Variants in STAB1 observed in about 807,000 individuals in gnomAD.
STAB1 encodes stabilin 1, also known as stabilin-1.
STAB1 carries 250 observed loss-of-function variants against 332.4 expected under a neutral mutation model. The observed-to-expected ratio is 0.75, with a 90% CI of 0.68 to 0.84. The LOEUF is 0.84. Among genes scored for constraint, STAB1 ranks in the 40% least tolerant of loss-of-function variants. The pLI is 0.00. For synonymous variants in STAB1, 1,475 were observed against 1,390.4 expected, an observed-to-expected ratio of 1.06 and a Z score of -1.35; for missense variants, 3,249 against 3,489.7, an observed-to-expected ratio of 0.93 and a Z score of 1.74.
In STAB1 at chr3:52,520,198, G is replaced by T; in HGVS notation, c.5413-6G>T. ...TCCACCTCCAACCATGACTCCACTT[G>T]CTCAGGCCTTGGCATCTGACCTGCC... On this transcript the variant is annotated splice_polypyrimidine_tract_variant and splice_region_variant and intron_variant, in intron 51 of 68. Coordinates refer to ENST00000321725, the MANE Select transcript of STAB1 (RefSeq NM_015136.3). 6.2e-7 allele frequency: 1 copy of T among 1,613,124 alleles called. No individual in the cohort carries two copies. The highest frequency in any genetic ancestry group is 8.5e-7 in the Non-Finnish European group (1 of 1,180,014).
At position 52,510,210 on chromosome 3, in the gene STAB1, C is replaced by A; in HGVS notation, c.2603C>A (p.Pro868Gln). 1 of 1,614,036 alleles carries A rather than the reference C, an allele frequency of 6.2e-7. No homozygotes were observed. The highest frequency in any genetic ancestry group is 8.5e-7 in the Non-Finnish European group (1 of 1,180,036). ...ACACCTAGCAACCCCTGCTCCCACC[C>A]GGACCGTGGAGGCTGCTCAGAGAAT... ...SCTPSNPCSH[P>Q]DRGGCSENAE... Residue 868 changes from proline (P) to glutamine (Q), a missense_variant, in exon 24 of 69, where the codon CCG becomes CAG. By Grantham distance (76) the Pro-to-Gln change is moderately conservative (BLOSUM62 -1). Coordinates refer to ENST00000321725, the MANE Select transcript of STAB1 (RefSeq NM_015136.3).
chr3:52,500,908 G>A (rs533564647), intron 1 of STAB1, among the ~76,000 whole-genome samples: 4 of 152,294 alleles, frequency 2.6e-5, no homozygotes, highest in East Asian at 1.9e-4. Flanking sequence ...ATAAGGACTC[G>A]ATGTGACATT....
chr3:52,512,512 A>AG, intron 27 of STAB1, 76 bp downstream of exon 27: 2 of 1,612,224 alleles, frequency 1.2e-6, no homozygotes, highest in East Asian at 4.5e-5. Context: ...CAGGTGGGAA[A>AG]GGGGCACTGC....
In STAB1 at chr3:52,508,075, G is replaced by C. The variant is rs770466485; in HGVS notation, c.2148+49G>C. On this transcript the variant is annotated intron_variant, in intron 20 of 68. Coordinates refer to ENST00000321725, the MANE Select transcript of STAB1 (RefSeq NM_015136.3). ...CTCCCAGGTCACCTGGGCACCTGCT[G>C]TTCCTCGGGGGCCCCCAAGCTGGGG... 19 of 1,576,964 alleles carry C rather than the reference G, an allele frequency of 1.2e-5. No homozygotes were observed. The African/African-American group carries it at 2.0e-4, about 17-fold the overall frequency.
Position 52,522,138 on chromosome 3 carries a change from G to C in STAB1, c.6373G>C (p.Gly2125Arg), listed in dbSNP as rs1299505160. ...VTCTCLPDYE[G>R]DGWSCRARNP... ...TTGTACCTGCCTGCCCGACTACGAGGGTGATGGCTGGAGCTGCCGGGCCCG... is the reference window on the plus strand; with the variant it reads ...TTGTACCTGCCTGCCCGACTACGAGCGTGATGGCTGGAGCTGCCGGGCCCG... The change falls in exon 59 of 69, where the codon GGT becomes CGT. Residue 2125 changes from glycine (G) to arginine (R), a missense_variant. Gly to Arg is a moderately radical substitution (Grantham distance 125). Coordinates refer to ENST00000321725, the MANE Select transcript of STAB1 (RefSeq NM_015136.3). 1 of 1,612,868 alleles carries C rather than the reference G, an allele frequency of 6.2e-7. No homozygotes were observed. Among genetic ancestry groups the C allele is most frequent in the Admixed American group, 1.7e-5 (1 of 60,004 alleles).
rs373673171 is a variant in STAB1 at position 52,523,613 on chromosome 3, C to T, written c.7290+37C>T. The T allele has an allele frequency of 2.5e-6, 4 of 1,612,594 alleles. No individual in the cohort carries two copies. The African/African-American group carries it at 5.3e-5, about 22-fold the overall frequency. ...CACTGTCCCACCCTGTTGGCCCTGG[C>T]CCTCGCTCACAGTGGGCCTGACTCT... On this transcript the variant is annotated intron_variant, in intron 65 of 68. Coordinates refer to ENST00000321725, the MANE Select transcript of STAB1 (RefSeq NM_015136.3).
Position 52,516,985 on chromosome 3 carries a change from G to C in STAB1, c.4365G>C (p.Glu1455Asp), listed in dbSNP as rs757610497. The change falls in exon 42 of 69, where the codon GAG becomes GAC. Residue 1455 changes from glutamate to aspartate, a missense_variant and splice_region_variant. Coordinates refer to ENST00000321725, the MANE Select transcript of STAB1 (RefSeq NM_015136.3). ...GYSGNGIFCS[E>D]VDPCAHGHGG... ...GACTCTCTGGCCATCTCCCCTTAGA[G>C]GTGGACCCCTGCGCCCACGGCCATG... The C allele has an allele frequency of 1.9e-6, 3 of 1,610,484 alleles. No homozygotes were observed. Among genetic ancestry groups the C allele is most frequent in the African/African-American group, 2.7e-5 (2 of 74,866 alleles).
Position 52,512,966 on chromosome 3 carries a change from CG to C in STAB1, c.3158+9del. ...GCTGCCGAACCTGGTCAGGTGGGGC[CG>C]CCATTGCCAGGCTGTGGGAGGGGCT... On this transcript the variant is annotated intron_variant, in intron 29 of 68. Coordinates refer to ENST00000321725, the MANE Select transcript of STAB1 (RefSeq NM_015136.3). 6.2e-7 allele frequency: 1 copy of C among 1,605,378 alleles called. No individual in the cohort carries two copies. Among genetic ancestry groups the C allele is most frequent in the Non-Finnish European group, 8.5e-7 (1 of 1,175,518 alleles).
In STAB1 at chr3:52,520,035, C is replaced by T. The variant is rs544253173; in HGVS notation, c.5327C>T (p.Pro1776Leu). The change falls in exon 51 of 69, where the codon CCG (proline) becomes CTG (leucine). Residue 1776 changes from proline to leucine, a missense_variant. Physicochemically the swap from Pro to Leu is moderately conservative, Grantham distance 98 (BLOSUM62 -3). Transcript: ENST00000321725. ...GACGCCGCCTTTCGAGCTCTGCCTC[C>T]GGATCGCCAGGCCTGGCTGTACCAT... is the stretch of plus-strand genomic sequence containing the variant. ...PTDAAFRALP[P>L]DRQAWLYHED... 163 of 1,612,678 alleles carry T rather than the reference C, an allele frequency of 1.0e-4. 1 individual carries two copies. In the South Asian group the frequency reaches 1.5e-3, roughly 14 times the overall value.
In STAB1 at chr3:52,521,939, C is replaced by T. The variant is rs2079085307; in HGVS notation, c.6259C>T (p.Arg2087Cys). 6.2e-6 allele frequency: 10 copies of T among 1,608,630 alleles called. No homozygotes were observed. The highest frequency in any genetic ancestry group is 6.8e-6 in the Non-Finnish European group (8 of 1,176,548). The change falls in exon 58 of 69, where the codon CGT (arginine) becomes TGT (cysteine). Residue 2087 changes from arginine to cysteine, a missense_variant. Physicochemically the swap from Arg to Cys is radical, Grantham distance 180 (BLOSUM62 -3). Transcript: ENST00000321725. Reference sequence around the variant, plus strand: ...CAGCCTGGGCTATGAAGGGGATGGCCGTGTGTGTACAGGTAAGCAGATGGG... The same window carrying T: ...CAGCCTGGGCTATGAAGGGGATGGCTGTGTGTGTACAGGTAAGCAGATGGG... ...ECSLGYEGDG[R>C]VCTVADLCQD...
rs765231140 is a variant in STAB1 at position 52,515,451 on chromosome 3, G to C, written c.3893G>C (p.Arg1298Pro). The change falls in exon 37 of 69, where the codon CGA (arginine) becomes CCA (proline). Residue 1298 changes from arginine (R) to proline (P), a missense_variant. Transcript: ENST00000321725. The stretch of plus-strand genomic sequence containing the variant: ...ACACCCAGGAAGAGCTGTGTCTACC[G>C]ATCTGGCTTCTCCTTCTCCCGGGGC... ...QDTPRKSCVY[R>P]SGFSFSRGCS... is the part of the protein sequence containing the mutation. 6.2e-6 allele frequency: 10 copies of C among 1,613,296 alleles called. No homozygotes were observed. In the South Asian group the frequency reaches 8.8e-5, roughly 14 times the overall value.
At chr3:52,506,317 A>C in intron 17 of STAB1, 67 bp downstream of exon 17, 38 of 1,422,638 alleles carry the variant, frequency 2.7e-5, no homozygotes, top group Non-Finnish European at 3.3e-5. Flanking sequence ...TTGGCCTCTC[A>C]GCCTTGTGTG....
rs897441085 is a variant in STAB1 at position 52,522,084 on chromosome 3, A to G, written c.6319A>G (p.Asn2107Asp). Residue 2107 changes from asparagine to aspartate, a missense_variant, in exon 59 of 69, where the codon AAC becomes GAC. Asn to Asp is a conservative substitution (Grantham distance 23). Transcript: ENST00000321725. ...DGHGGCSEHANCSQVGTMVTC... is the reference protein window; with the variant it reads ...DGHGGCSEHADCSQVGTMVTC... ...GCATGGTGGCTGCAGTGAGCACGCC[A>G]ACTGTAGCCAGGTAGGAACAATGGT... The G allele has an allele frequency of 6.2e-7, 1 of 1,613,220 alleles. No individual in the cohort carries two copies. The highest frequency in any genetic ancestry group is 1.3e-5 in the African/African-American group (1 of 75,052).
chr3:52,501,180 CTG>C lies in STAB1; in HGVS notation c.96_97del (p.Cys32Ter). On this transcript the variant is annotated frameshift_variant, in exon 2 of 69. Transcript: ENST00000321725. LOFTEE classifies it high-confidence loss of function. ...FVRGQVLFKG[C>X]DVKTTFVTHV... The stretch of plus-strand genomic sequence containing the variant: ...TGTGGCCCCAGGTGCTGTTCAAAGG[CTG>C]TGATGTGAAAACCACGTTTGTCACT... The C allele has an allele frequency of 6.2e-7, 1 of 1,613,482 alleles. No homozygotes were observed. The highest frequency in any genetic ancestry group is 8.5e-7 in the Non-Finnish European group (1 of 1,179,826).
At position 52,520,952 on chromosome 3, in the gene STAB1, C is replaced by T. The variant is rs2153234138; in HGVS notation, c.5855C>T (p.Thr1952Ile). ...LGRGCHRNCVTTTWKPSCCPG... is the reference protein window; with the variant it reads ...LGRGCHRNCVITTWKPSCCPG... ...AGGGGCTGCCACCGCAATTGTGTCA[C>T]CACCACCTGGAAGCCCAGCTGCTGC... Residue 1952 changes from threonine (T) to isoleucine (I), a missense_variant, in exon 55 of 69, where the codon ACC (threonine) becomes ATC (isoleucine). Coordinates refer to ENST00000321725, the MANE Select transcript of STAB1 (RefSeq NM_015136.3). 6.3e-7 allele frequency: 1 copy of T among 1,583,738 alleles called. No homozygotes were observed. Among genetic ancestry groups the T allele is most frequent in the Non-Finnish European group, 8.6e-7 (1 of 1,164,858 alleles).
chr3:52,515,196 G>C, intron 36 of STAB1, 151 bp downstream of exon 36: 1 of 1,108,312 alleles, frequency 9.0e-7, no homozygotes. Context: ...TAGAGGTCTG[G>C]AGGGCTGGCC....
intron 13 of STAB1, 62 bp downstream of exon 13, chr3:52,505,205 G>C (rs1046512886): frequency 3.6e-5 from 58 of 1,605,276 alleles, no homozygotes; most frequent in Non-Finnish European, 4.1e-5. Flanking sequence ...CCCCTGCAGA[G>C]AGCAGTGAGT....
At chr3:52,514,538 T>A in intron 34 of STAB1, 42 bp downstream of exon 34, 1 of 1,528,178 alleles carries the variant, frequency 6.5e-7, no homozygotes. Flanking sequence ...CCCGGGCCCC[T>A]ACCCCTGAAG....
At chr3:52,514,013 G>A in intron 32 of STAB1, 32 bp downstream of exon 32, 2 of 1,592,846 alleles carry the variant, frequency 1.3e-6, no homozygotes, top group Non-Finnish European at 1.7e-6. Flanking sequence ...GGATGTGCCT[G>A]CTCGGGGGAC....
Sources: allele counts gnomAD v4.1 joint callset (sites outside exome capture counted in the v4.1 genomes callset), GRCh38; gene constraint gnomAD v4.1.1; transcripts MANE v1.5; gene names NCBI Gene and HGNC (gene_info 2026-07-23, HGNC 2026-07-21).